The following PAK3 variants were observed in gnomAD, a reference collection of about 807,000 sequenced individuals.
The protein encoded by PAK3 is serine/threonine-protein kinase PAK 3.
PAK3 carries 4 observed loss-of-function variants against 41.0 expected under a neutral mutation model. The ratio of observed to expected loss-of-function variants is 0.10; its 90% CI spans 0.05 to 0.22. The LOEUF (loss-of-function observed/expected upper bound fraction) is 0.22, where lower values mean the gene tolerates loss of function less well. Ranked by LOEUF, PAK3 falls within the 10% of genes least tolerant of loss-of-function variation. The probability of loss-of-function intolerance (pLI) is 1.00; values close to 1 mark genes in which losing one functional copy is unlikely to be tolerated. For synonymous variants in PAK3, 146 were observed against 139.6 expected, an observed-to-expected ratio of 1.05 and a Z score of -0.32; for missense variants, 205 against 409.9, an observed-to-expected ratio of 0.50 and a Z score of 4.32.
At chrX:111,094,679 C>CTTTTT (rs762547955), upstream of PAK3, among the ~76,000 whole-genome samples, 8 of 45,078 alleles carry the variant, frequency 1.8e-4, no homozygotes, top group African/African-American at 4.0e-4. Flanking sequence ...ATCTGTAGCT[C>CTTTTT]TTTTTTTTTT....
At chrX:111,148,422 G>A (rs1459252400) in intron 7 of PAK3, among the ~76,000 whole-genome samples, 1 of 111,996 alleles carries the variant, frequency 8.9e-6, no homozygotes, top group African/African-American at 3.3e-5. Flanking sequence ...TTATTTGCTA[G>A]TGTGTAGATT....
At chrX:111,100,993 A>G (rs993270161) in intron 3 of PAK3, among the ~76,000 whole-genome samples, 2 of 112,285 alleles carry the variant, frequency 1.8e-5, no homozygotes, top group African/African-American at 6.5e-5. Context: ...GATATGACAC[A>G]ATACGAATTA....
chrX:111,062,841 C>CTT (rs11330952), intron 1 of PAK3, among the ~76,000 whole-genome samples: 1 of 97,485 alleles, frequency 1.0e-5, no homozygotes, highest in African/African-American at 3.7e-5. Flanking sequence ...AAGGAAATTA[C>CTT]TTTTTTTTTT....
At chrX:110,988,340 C>T (rs2091583958) in intron 1 of PAK3, among the ~76,000 whole-genome samples, 1 of 111,877 alleles carries the variant, frequency 8.9e-6, no homozygotes, top group African/African-American at 3.3e-5. Context: ...GCATTAAACA[C>T]ACATACAGGA....
chrX:111,159,535 G>T (rs2094145187), intron 8 of PAK3, among the ~76,000 whole-genome samples: 1 of 111,318 alleles, frequency 9.0e-6, no homozygotes, highest in African/African-American at 3.3e-5. Flanking sequence ...GTACATTCTT[G>T]AACCCAGCTG....
At chrX:111,025,211 A>G (rs767821758) in intron 1 of PAK3, among the ~76,000 whole-genome samples, 16 of 111,311 alleles carry the variant, frequency 1.4e-4, no homozygotes, top group Non-Finnish European at 1.9e-5. Context: ...AAAGAGCACA[A>G]ATCTAAGATC....
At chrX:111,098,920 C>G (rs191505589) in intron 3 of PAK3, 16 of 112,406 alleles carry the variant, frequency 1.4e-4, no homozygotes, top group Admixed American at 1.4e-3. Context: ...CCCCCACCCC[C>G]ACCCCCACCT....
intron 12 of PAK3, 81 bp downstream of exon 12, chrX:111,192,256 TA>T (rs926229695): frequency 0.023 from 10,849 of 467,383 alleles, no homozygotes; most frequent in Admixed American, 0.036. Context: ...CAACTTCGCC[TA>T]AAAAAAAAAT....
intron 1 of PAK3, among the ~76,000 whole-genome samples, chrX:110,953,051 T>G (rs1186697561): frequency 8.9e-6 from 1 of 112,446 alleles, no homozygotes; most frequent in African/African-American, 3.2e-5. Context: ...TCATCTTTCT[T>G]TTTAAAACTA....
Position 111,133,164 on chromosome X carries a change from G to A in PAK3, c.176-8932G>A, listed in dbSNP as rs189718547. ...CAGCATATTTTGTATTACTACCTCC[G>A]ATTTCATCTTTCTTCCCTTCCTGAT... On this transcript the variant is annotated intron_variant, in intron 5 of 17. Transcript: ENST00000372007. Among the ~76,000 whole-genome samples, 168 of 111,407 alleles carry A rather than the reference G, an allele frequency of 1.5e-3. 2 individuals are homozygous for A. The highest frequency in any genetic ancestry group is 5.1e-3 in the African/African-American group (157 of 30,697).
intron 16 of PAK3, among the ~76,000 whole-genome samples, chrX:111,208,935 G>A (rs1314393277): frequency 2.6e-5 from 2 of 77,000 alleles, no homozygotes; most frequent in Non-Finnish European, 4.1e-5. Context: ...GAGGAATGAC[G>A]TGTGTGTGTG....
intron 1 of PAK3, among the ~76,000 whole-genome samples, chrX:110,972,677 C>T (rs1368523100): frequency 8.9e-6 from 1 of 111,796 alleles, no homozygotes; most frequent in African/African-American, 3.3e-5. Flanking sequence ...TGCAGCTCCT[C>T]GCCAGCAACG....
chrX:111,217,742 C>A, intron 17 of PAK3: 2 of 417,281 alleles, frequency 4.8e-6, no homozygotes, highest in Non-Finnish European at 6.0e-6. Context: ...TTAATCCAGC[C>A]TCAAATTACA....
chrX:111,170,282 G>A (rs754530004), intron 10 of PAK3, among the ~76,000 whole-genome samples: 4 of 110,280 alleles, frequency 3.6e-5, no homozygotes, highest in Non-Finnish European at 5.7e-5. Context: ...ACTGATAGTG[G>A]AAATACAAAA....
In PAK3 at chrX:111,225,969, G is replaced by A. The variant is rs62612552; in HGVS notation, c.*5522G>A. On this transcript the variant is annotated 3_prime_UTR_variant, in exon 18 of 18. Transcript: ENST00000372007. ...AGGCAGGCGGATCACCTGAGGTCAGGAGTTCGAGACCAGCCTGACCAACAT... is the reference window on the plus strand; with the variant it reads ...AGGCAGGCGGATCACCTGAGGTCAGAAGTTCGAGACCAGCCTGACCAACAT... 0.023 allele frequency: 2,564 copies of A among 111,325 alleles called. 36 individuals carry two copies. The highest frequency in any genetic ancestry group is 0.07 in the Middle Eastern group (15 of 215). The allele number at this position is 111,325 out of a possible 1,213,427, so 9.2% of individuals were successfully genotyped here. A position where few individuals can be genotyped will look rare whatever the true frequency, so the allele number is the denominator to read the frequency against.
chrX:111,039,639 T>C (rs1033605220), intron 1 of PAK3, among the ~76,000 whole-genome samples: 58 of 111,510 alleles, frequency 5.2e-4, no homozygotes, highest in African/African-American at 1.7e-3. Flanking sequence ...ATAGACCATG[T>C]AGACAAAGGG....
intron 4 of PAK3, among the ~76,000 whole-genome samples, chrX:111,109,022 C>T (rs2093324080): frequency 1.8e-5 from 2 of 111,774 alleles, no homozygotes; most frequent in Admixed American, 9.5e-5. Context: ...CATTTGAATC[C>T]CAGTTTGGCC....
intron 4 of PAK3, among the ~76,000 whole-genome samples, chrX:111,116,201 A>G (rs1451984144): frequency 1.8e-5 from 2 of 111,188 alleles, no homozygotes; most frequent in Admixed American, 1.9e-4. Context: ...TCTGAGAACT[A>G]GGAAATGTTT....
intron 1 of PAK3, among the ~76,000 whole-genome samples, chrX:111,038,411 C>G (rs1380963665): frequency 8.9e-6 from 1 of 112,218 alleles, no homozygotes; most frequent in African/African-American, 3.2e-5. Context: ...CCATCCCCAC[C>G]CTTCTTACAG....
Sources: gnomAD v4.1 joint callset for allele counts (sites outside exome capture counted in the v4.1 genomes callset) on GRCh38, gnomAD v4.1.1 for gene constraint, MANE v1.5 for transcripts, NCBI Gene and HGNC (gene_info 2026-07-23, HGNC 2026-07-21) for gene names.